SDR16C5: variants seen among roughly 807,000 people sequenced by gnomAD.
The protein encoded by SDR16C5 is epidermal retinol dehydrogenase 2.
Under a neutral mutation model 27.7 loss-of-function variants are expected in SDR16C5, and 20 were observed. That is an observed-to-expected ratio of 0.72 (90% CI 0.51 to 1.05). The LOEUF is 1.05. Ranked by LOEUF, SDR16C5 falls within the 50% of genes least tolerant of loss-of-function variation. The probability of loss-of-function intolerance (pLI) is 0.00; values close to 1 mark genes in which losing one functional copy is unlikely to be tolerated. For synonymous variants in SDR16C5, 139 were observed against 132.3 expected, an observed-to-expected ratio of 1.05 and a Z score of -0.35; for missense variants, 374 against 366.3, an observed-to-expected ratio of 1.02 and a Z score of -0.17.
At chr8:56,314,733 C>A (rs1211402761) in intron 2 of SDR16C5, among the ~76,000 whole-genome samples, 1 of 152,178 alleles carries the variant, frequency 6.6e-6, no homozygotes, top group African/African-American at 2.4e-5. Context: ...AATGTAAAGA[C>A]AAACTTGAAA....
chr8:56,309,789 A>G (rs559168339), intron 3 of SDR16C5, among the ~76,000 whole-genome samples: 7 of 152,242 alleles, frequency 4.6e-5, no homozygotes, highest in African/African-American at 1.4e-4. Flanking sequence ...AACAAAGCAA[A>G]AGGAAGCAGT....
chr8:56,308,701 G>A (rs886863579), intron 4 of SDR16C5, among the ~76,000 whole-genome samples: 1 of 151,950 alleles, frequency 6.6e-6, no homozygotes, highest in Non-Finnish European at 1.5e-5. Flanking sequence ...TAAACACAGG[G>A]TACTGCATAA....
At chr8:56,310,856 G>C (rs899185926) in intron 3 of SDR16C5, among the ~76,000 whole-genome samples, 1 of 152,136 alleles carries the variant, frequency 6.6e-6, no homozygotes, top group Non-Finnish European at 1.5e-5. Context: ...TAAATCATTT[G>C]CAGTAGTTCT....
rs1170738240 is a variant in SDR16C5 at position 56,316,154 on chromosome 8, G to A, written c.194C>T (p.Ser65Phe). The A allele has an allele frequency of 1.2e-6, 2 of 1,614,098 alleles. No homozygotes were observed. Among genetic ancestry groups the A allele is most frequent in the Admixed American group, 3.3e-5 (2 of 60,018 alleles). The change falls in exon 2 of 7, where the codon TCT becomes TTT. Residue 65 changes from serine to phenylalanine, a missense_variant. Ser to Phe is a radical substitution (Grantham distance 155). Coordinates refer to ENST00000303749, the MANE Select transcript of SDR16C5 (RefSeq NM_138969.4). ...LLALQFARLG[S>F]VLVLWDINKE... ...ATTGATATCCCAGAGAACAAGAACA[G>A]ATCCCAGCCGGGCAAACTGCAAGGC...
rs1453802631 is a variant in SDR16C5, at chr8:56,316,017, G to T, written c.331C>A (p.Gln111Lys). Residue 111 changes from glutamine to lysine, a missense_variant and splice_region_variant, in exon 2 of 7, where the codon CAG becomes AAG. Gln to Lys is a moderately conservative substitution (Grantham distance 53). Coordinates refer to ENST00000303749, the MANE Select transcript of SDR16C5 (RefSeq NM_138969.4). ...QKEGVYRVAD[Q>K]VKKEVGDVSI... ...AATAGTAAACACACAAGAGTTACCT[G>T]GTCGGCTACTCTATACACTCCTTCC... 9 of 1,601,482 alleles carry T rather than the reference G, an allele frequency of 5.6e-6. No homozygotes were observed. In the East Asian group the frequency reaches 1.8e-4, roughly 32 times the overall value.
chr8:56,306,032 A>G (rs776013297), intron 5 of SDR16C5, among the ~76,000 whole-genome samples: 1 of 152,238 alleles, frequency 6.6e-6, no homozygotes, highest in Non-Finnish European at 1.5e-5. Flanking sequence ...CATTGCCTGT[A>G]GTCTCCATGA....
At chr8:56,305,866 C>T in intron 5 of SDR16C5, 144 bp from the exon 6 acceptor site, 1 of 815,412 alleles carries the variant, frequency 1.2e-6, no homozygotes, top group East Asian at 2.9e-5. Context: ...TTTATATTTA[C>T]TCCTTTATTA....
intron 1 of SDR16C5, among the ~76,000 whole-genome samples, chr8:56,319,002 A>G (rs897495774): frequency 2.0e-5 from 3 of 152,094 alleles, no homozygotes; most frequent in Admixed American, 6.5e-5. Flanking sequence ...GGAGTTTCTA[A>G]TAGTGCATAG....
chr8:56,307,590 T>A (rs1814917939), intron 4 of SDR16C5, among the ~76,000 whole-genome samples: 2 of 152,332 alleles, frequency 1.3e-5, no homozygotes, highest in South Asian at 4.1e-4. Context: ...CAAGAGCCAG[T>A]TTATAAGCGC....
chr8:56,305,163 G>T (rs1041623600), intron 6 of SDR16C5, among the ~76,000 whole-genome samples: 1 of 152,012 alleles, frequency 6.6e-6, no homozygotes, highest in African/African-American at 2.4e-5. Context: ...ATTGCTAATT[G>T]TACCCATACC....
chr8:56,302,858 T>C (rs1814792530), intron 6 of SDR16C5, among the ~76,000 whole-genome samples: 2 of 151,936 alleles, frequency 1.3e-5, no homozygotes, highest in Admixed American at 6.6e-5. Context: ...GGTGCACAAC[T>C]ATAGTCCCAG....
At chr8:56,316,674 C>T (rs1354215168) in intron 1 of SDR16C5, among the ~76,000 whole-genome samples, 2 of 152,174 alleles carry the variant, frequency 1.3e-5, no homozygotes, top group African/African-American at 4.8e-5. Context: ...AGAATAAGTT[C>T]ATTATTGCTC....
chr8:56,308,911 T>A lies in SDR16C5; in HGVS notation c.565+17A>T. 6.3e-7 allele frequency: 1 copy of A among 1,577,766 alleles called. No homozygotes were observed. The highest frequency in any genetic ancestry group is 8.7e-7 in the Non-Finnish European group (1 of 1,153,826). On this transcript the variant is annotated intron_variant, in intron 4 of 6. Transcript: ENST00000303749. ...TATAGGGAATTTTGCAATTGTAAAT[T>A]GCTATGTTTTTCTTACCTGCCAGCC...
chr8:56,316,073 A>G lies in SDR16C5; in HGVS notation c.275T>C (p.Val92Ala), dbSNP rs1317750140. ...GCTGCAATCGCAGGTATAGGCGTGC[A>G]CTCTTGTGGCTCCAGCTTCCCGAGC... ...KMAREAGATR[V>A]HAYTCDCSQK... is the part of the protein sequence containing the mutation. The change falls in exon 2 of 7, where the codon GTG becomes GCG. Residue 92 changes from valine to alanine, a missense_variant. Physicochemically the swap from Val to Ala is moderately conservative, Grantham distance 64. Coordinates refer to ENST00000303749, the MANE Select transcript of SDR16C5 (RefSeq NM_138969.4). The G allele has an allele frequency of 2.2e-5, 35 of 1,613,880 alleles. No homozygotes were observed. The highest frequency in any genetic ancestry group is 2.8e-5 in the Non-Finnish European group (33 of 1,180,002).
rs200267426 is a variant in SDR16C5 at position 56,315,167 on chromosome 8, C to G, written c.333+848G>C. 4.6e-5 allele frequency among the ~76,000 whole-genome samples: 7 copies of G among 151,940 alleles called. No individual in the cohort carries two copies. In the East Asian group the frequency reaches 1.4e-3, roughly 29 times the overall value. On this transcript the variant is annotated intron_variant, in intron 2 of 6. Transcript: ENST00000303749. ...GGCTGAGGCAAGAGAATCGCTCGAA[C>G]CCAGGAGACAGAGGTTGTGGTGAGC...
At chr8:56,301,774 G>A (rs914178953) in intron 6 of SDR16C5, among the ~76,000 whole-genome samples, 14 of 152,124 alleles carry the variant, frequency 9.2e-5, no homozygotes, top group African/African-American at 3.4e-4. Flanking sequence ...GGCCTTGACA[G>A]GTCTTCTGGC....
intron 1 of SDR16C5, among the ~76,000 whole-genome samples, chr8:56,319,816 G>T (rs1815290374): frequency 6.6e-6 from 1 of 152,170 alleles, no homozygotes. Flanking sequence ...CACCCCCGGG[G>T]GCGAGGGGTC....
At chr8:56,313,074 C>T (rs1563442857) in intron 2 of SDR16C5, among the ~76,000 whole-genome samples, 1 of 152,194 alleles carries the variant, frequency 6.6e-6, no homozygotes, top group Non-Finnish European at 1.5e-5. Flanking sequence ...CTGCGCCTGA[C>T]CTCCAGAGAT....
At position 56,316,046 on chromosome 8, in the gene SDR16C5, T is replaced by C. The variant is rs753445327; in HGVS notation, c.302A>G (p.Gln101Arg). The change falls in exon 2 of 7, where the codon CAA becomes CGA. Residue 101 changes from glutamine to arginine, a missense_variant. By Grantham distance (43) the Gln-to-Arg change is conservative (BLOSUM62 1). Coordinates refer to ENST00000303749, the MANE Select transcript of SDR16C5 (RefSeq NM_138969.4). ...RVHAYTCDCS[Q>R]KEGVYRVADQ... ...GGCTACTCTATACACTCCTTCCTTT[T>C]GGCTGCAATCGCAGGTATAGGCGTG... 1.9e-6 allele frequency: 3 copies of C among 1,613,994 alleles called. No homozygotes were observed. The East Asian group carries it at 6.7e-5, about 36-fold the overall frequency.
Sources: allele counts gnomAD v4.1 joint callset (sites outside exome capture counted in the v4.1 genomes callset), GRCh38; gene constraint gnomAD v4.1.1; transcripts MANE v1.5; gene names NCBI Gene and HGNC (gene_info 2026-07-23, HGNC 2026-07-21).